TAF1A: variants seen among roughly 807,000 people sequenced by gnomAD.
The protein encoded by TAF1A is TATA box-binding protein-associated factor RNA polymerase I subunit A.
TAF1A carries 42 observed loss-of-function variants against 61.6 expected under a neutral mutation model. The observed-to-expected ratio is 0.68, with a 90% confidence interval of 0.53 to 0.88. The LOEUF is 0.88. Ranked by LOEUF, TAF1A falls within the 40% of genes least tolerant of loss-of-function variation. TAF1A has a pLI of 0.00. For missense variants in TAF1A, 424 were observed against 518.7 expected, an observed-to-expected ratio of 0.82 and a Z score of 1.77; for synonymous variants, 179 against 177.7, an observed-to-expected ratio of 1.01 and a Z score of -0.06.
intron 5 of TAF1A, among the ~76,000 whole-genome samples, chr1:222,572,291 A>T (rs1367608215): frequency 6.6e-6 from 1 of 152,034 alleles, no homozygotes; most frequent in Non-Finnish European, 1.5e-5. Context: ...AAAGAGAGAC[A>T]CATGTAGATC....
intron 5 of TAF1A, among the ~76,000 whole-genome samples, chr1:222,572,818 C>G (rs758268363): frequency 7.2e-5 from 11 of 152,224 alleles, no homozygotes; most frequent in Non-Finnish European, 1.5e-4. Flanking sequence ...AGAGCTAAAA[C>G]TTTAAAACTC....
chr1:222,558,027 A>G (rs1428667887), downstream of TAF1A: 1 of 151,204 alleles, frequency 6.6e-6, no homozygotes, highest in African/African-American at 2.4e-5. Context: ...GGGATTACAA[A>G]TGCCCGCCAC....
intron 4 of TAF1A, 106 bp from the exon 5 acceptor site, chr1:222,577,749 A>C (rs1660632840): frequency 3.0e-6 from 3 of 1,006,144 alleles, no homozygotes; most frequent in Middle Eastern, 2.3e-4. Flanking sequence ...TTGGTAGGAT[A>C]CAAATAACTT....
chr1:222,566,742 C>T (rs1660132082), intron 7 of TAF1A, among the ~76,000 whole-genome samples: 1 of 152,122 alleles, frequency 6.6e-6, no homozygotes, highest in African/African-American at 2.4e-5. Flanking sequence ...AGGTCACAAA[C>T]AGATACCGGT....
chr1:222,571,107 C>T (rs1660331419), intron 5 of TAF1A, among the ~76,000 whole-genome samples: 1 of 152,008 alleles, frequency 6.6e-6, no homozygotes, highest in Admixed American at 6.6e-5. Flanking sequence ...TGATCTAAAC[C>T]AAATCAAAAG....
At chr1:222,557,108 T>C (rs1452957864), downstream of TAF1A, among the ~76,000 whole-genome samples, 1 of 152,212 alleles carries the variant, frequency 6.6e-6, no homozygotes, top group Non-Finnish European at 1.5e-5. Context: ...TTGCAGATGG[T>C]TTAGAATTAG....
intron 6 of TAF1A, 28 bp downstream of exon 6, chr1:222,570,507 C>T (rs755686172): frequency 1.1e-5 from 17 of 1,580,772 alleles, no homozygotes; most frequent in Middle Eastern, 1.7e-4. Context: ...AAAATAAAAC[C>T]AATAAATTTA....
At chr1:222,585,048 AG>A (rs1558154945) in intron 2 of TAF1A, among the ~76,000 whole-genome samples, 1 of 152,224 alleles carries the variant, frequency 6.6e-6, no homozygotes, top group African/African-American at 2.4e-5. Flanking sequence ...TTAATCTCCT[AG>A]ACAGCTGTGC....
At chr1:222,574,399 G>A (rs572056800) in intron 5 of TAF1A, among the ~76,000 whole-genome samples, 6 of 152,004 alleles carry the variant, frequency 3.9e-5, no homozygotes, top group Non-Finnish European at 8.8e-5. Context: ...TCAGATTGTC[G>A]GTAAAGTACA....
At chr1:222,576,043 T>A (rs1660560887) in intron 5 of TAF1A, among the ~76,000 whole-genome samples, 1 of 152,172 alleles carries the variant, frequency 6.6e-6, no homozygotes, top group Non-Finnish European at 1.5e-5. Flanking sequence ...CATCAAACAT[T>A]GATTAGTCTA....
intron 10 of TAF1A, among the ~76,000 whole-genome samples, chr1:222,560,046 G>C (rs1447558955): frequency 2.6e-5 from 4 of 152,238 alleles, no homozygotes; most frequent in Admixed American, 2.6e-4. Flanking sequence ...GGGCAACCAA[G>C]TAGCTTCAAT....
At chr1:222,569,181 C>T (rs1400788361) in intron 7 of TAF1A, 4 of 992,440 alleles carry the variant, frequency 4.0e-6, no homozygotes, top group East Asian at 1.3e-4. Flanking sequence ...GTAACGCATC[C>T]AAGCACATAC....
At chr1:222,561,280 G>C (rs1389574202) in intron 10 of TAF1A, 84 bp downstream of exon 10, 2 of 1,399,186 alleles carry the variant, frequency 1.4e-6, no homozygotes, top group South Asian at 1.4e-5. Context: ...TACCATGTTA[G>C]GTAAGCTCTA....
In TAF1A at chr1:222,558,645, A is replaced by G; in HGVS notation, c.*15T>C. ...TACTGTGTAGCTACAACTGTGAAAT[A>G]ACTAAAATTCAGTATCAGAGTCTTG... is the stretch of plus-strand genomic sequence containing the variant. On this transcript the variant is annotated 3_prime_UTR_variant, in exon 11 of 11. Coordinates refer to ENST00000352967, the MANE Select transcript of TAF1A (RefSeq NM_005681.4). 7.2e-7 allele frequency: 1 copy of G among 1,384,576 alleles called. No individual in the cohort carries two copies. 85.8% of individuals were successfully genotyped at this position (1,384,576 alleles called of 1,614,324 possible). A position where few individuals can be genotyped will look rare whatever the true frequency, so the allele number is the denominator to read the frequency against.
chr1:222,568,140 A>T (rs1660190247), intron 7 of TAF1A, among the ~76,000 whole-genome samples: 1 of 151,916 alleles, frequency 6.6e-6, no homozygotes, highest in African/African-American at 2.4e-5. Context: ...AATAGCTAAA[A>T]ATCTACCATG....
At chr1:222,580,324 AC>A (rs1465481756) in intron 3 of TAF1A, among the ~76,000 whole-genome samples, 3 of 152,326 alleles carry the variant, frequency 2.0e-5, no homozygotes, top group South Asian at 4.1e-4. Flanking sequence ...ACTATTGACT[AC>A]ATTTATTCTA....
chr1:222,574,043 G>C (rs1230424794), intron 5 of TAF1A, among the ~76,000 whole-genome samples: 1 of 151,974 alleles, frequency 6.6e-6, no homozygotes, highest in Non-Finnish European at 1.5e-5. Context: ...GATTCCATTT[G>C]TATGAAATGT....
chr1:222,588,857 G>T (rs1051432786), intron 1 of TAF1A, among the ~76,000 whole-genome samples: 1 of 152,116 alleles, frequency 6.6e-6, no homozygotes, highest in African/African-American at 2.4e-5. Flanking sequence ...ACAGCAAAAC[G>T]TATAATAACA....
chr1:222,588,770 CTAA>C (rs1234067982), intron 1 of TAF1A, among the ~76,000 whole-genome samples: 1 of 152,176 alleles, frequency 6.6e-6, no homozygotes, highest in African/African-American at 2.4e-5. Context: ...GACCGAACCA[CTAA>C]TGTTTCAAGT....
Sources: allele counts gnomAD v4.1 joint callset (sites outside exome capture counted in the v4.1 genomes callset), GRCh38; gene constraint gnomAD v4.1.1; transcripts MANE v1.5; gene names NCBI Gene and HGNC (gene_info 2026-07-23, HGNC 2026-07-21).